The following IQCJ variants were observed in gnomAD, a reference collection of about 807,000 sequenced individuals.
IQCJ encodes IQ domain-containing protein J.
Under a neutral mutation model 11.0 loss-of-function variants are expected in IQCJ, and 9 were observed. That is an observed-to-expected ratio of 0.82 (90% CI 0.49 to 1.43). The LOEUF is 1.43. Among genes scored for constraint, IQCJ ranks in the 40% most tolerant of loss-of-function variants. The pLI is 0.00. For missense variants in IQCJ, 146 were observed against 133.2 expected, an observed-to-expected ratio of 1.10 and a Z score of -0.47; for synonymous variants, 55 against 51.3, an observed-to-expected ratio of 1.07 and a Z score of -0.31.
At chr3:159,160,657 T>C (rs1213553777) in intron 1 of IQCJ, among the ~76,000 whole-genome samples, 1 of 151,480 alleles carries the variant, frequency 6.6e-6, no homozygotes, top group Non-Finnish European at 1.5e-5. Context: ...GCATTAGGTA[T>C]ATCTCCTAAA....
At chr3:159,091,576 A>T (rs114774230) in intron 1 of IQCJ, among the ~76,000 whole-genome samples, 2 of 151,142 alleles carry the variant, frequency 1.3e-5, no homozygotes, top group Non-Finnish European at 2.9e-5. Context: ...GAGGGACACA[A>T]ACATTCAGAC....
At chr3:159,121,219 G>T (rs56017425) in intron 1 of IQCJ, among the ~76,000 whole-genome samples, 7 of 149,788 alleles carry the variant, frequency 4.7e-5, no homozygotes, top group African/African-American at 1.7e-4. Context: ...CTGCAGCCTC[G>T]ATCTCCTGGG....
chr3:159,089,966 A>G (rs1387123281), intron 1 of IQCJ, among the ~76,000 whole-genome samples: 1 of 151,892 alleles, frequency 6.6e-6, no homozygotes, highest in African/African-American at 2.4e-5. Context: ...CTGTTGAGGA[A>G]CTGCATTCCT....
chr3:159,256,603 G>C (rs565951246), intron 3 of IQCJ, among the ~76,000 whole-genome samples: 1 of 152,176 alleles, frequency 6.6e-6, no homozygotes, highest in East Asian at 1.9e-4. Context: ...GGCCTCTCTG[G>C]GCCTCAGTTG....
intron 1 of IQCJ, among the ~76,000 whole-genome samples, chr3:159,170,930 C>T (rs73029416): frequency 0.023 from 3,514 of 152,272 alleles, 137 homozygotes; most frequent in African/African-American, 0.079. Flanking sequence ...TTTCTTTAGT[C>T]ATTCTCCTAG....
rs573669599 is a variant in IQCJ at position 159,187,286 on chromosome 3, C to T, written c.10-58557C>T. ...TTTATTCTTGGCTGAAAACCCAATA[C>T]AGAACCCAAATAAGGCCTTGGACTT... On this transcript the variant is annotated intron_variant, in intron 1 of 3. Coordinates refer to ENST00000397832, the MANE Select transcript of IQCJ (RefSeq NM_001042706.3). 2.6e-5 allele frequency among the ~76,000 whole-genome samples: 4 copies of T among 152,336 alleles called. No homozygotes were observed. In the South Asian group the frequency reaches 8.3e-4, roughly 32 times the overall value.
At chr3:159,129,824 A>G (rs1324328180) in intron 1 of IQCJ, among the ~76,000 whole-genome samples, 1 of 152,190 alleles carries the variant, frequency 6.6e-6, no homozygotes, top group African/African-American at 2.4e-5. Context: ...CAGTGGTATT[A>G]TCTTGGATAA....
At chr3:159,206,274 G>A (rs189225461) in intron 1 of IQCJ, among the ~76,000 whole-genome samples, 240 of 151,684 alleles carry the variant, frequency 1.6e-3, no homozygotes, top group Admixed American at 5.1e-3. Context: ...TTCCTTTTCC[G>A]TTTTTTTCTA....
At chr3:159,203,388 G>A (rs955501399) in intron 1 of IQCJ, among the ~76,000 whole-genome samples, 3 of 151,234 alleles carry the variant, frequency 2.0e-5, no homozygotes, top group African/African-American at 7.3e-5. Context: ...AATGGGGGCT[G>A]GATATTCTGG....
At chr3:159,255,012 T>C (rs1482492481) in intron 3 of IQCJ, among the ~76,000 whole-genome samples, 1 of 152,220 alleles carries the variant, frequency 6.6e-6, no homozygotes, top group Non-Finnish European at 1.5e-5. Context: ...GACCGTGGCA[T>C]CTTCAACAGG....
At chr3:159,242,564 T>A (rs77247644) in intron 1 of IQCJ, among the ~76,000 whole-genome samples, 3,300 of 114,734 alleles carry the variant, frequency 0.029, 110 homozygotes, top group African/African-American at 0.1. Context: ...ACATGCCAGC[T>A]GAATCTTTTT....
intron 1 of IQCJ, among the ~76,000 whole-genome samples, chr3:159,091,238 T>G (rs1299312205): frequency 6.6e-6 from 1 of 151,784 alleles, no homozygotes; most frequent in Non-Finnish European, 1.5e-5. Context: ...TTCAGGCAGT[T>G]AACAGCAAAT....
chr3:159,196,937 C>G (rs1445060838), intron 1 of IQCJ, among the ~76,000 whole-genome samples: 1 of 152,046 alleles, frequency 6.6e-6, no homozygotes, highest in Non-Finnish European at 1.5e-5. Context: ...AAACTAAACT[C>G]CTAATTTCCC....
At position 159,092,012 on chromosome 3, in the gene IQCJ, C is replaced by T. The variant is rs192702706; in HGVS notation, c.9+22571C>T. On this transcript the variant is annotated intron_variant, in intron 1 of 3. Coordinates refer to ENST00000397832, the MANE Select transcript of IQCJ (RefSeq NM_001042706.3). ...AATCATTTTAGGGATTCAGAATATT[C>T]TCATACTCTCAAAGTCTCACCCCTC... 8.8e-4 allele frequency among the ~76,000 whole-genome samples: 134 copies of T among 151,652 alleles called. 1 individual carries two copies. Among genetic ancestry groups the T allele is most frequent in the Admixed American group, 1.4e-3 (22 of 15,276 alleles).
At chr3:159,128,563 T>C (rs1198649190) in intron 1 of IQCJ, among the ~76,000 whole-genome samples, 1 of 152,174 alleles carries the variant, frequency 6.6e-6, no homozygotes, top group Non-Finnish European at 1.5e-5. Context: ...ACACTTTTTG[T>C]AGTGCTGATA....
chr3:159,109,667 G>T (rs1387403413), intron 1 of IQCJ, among the ~76,000 whole-genome samples: 1 of 150,024 alleles, frequency 6.7e-6, no homozygotes, highest in East Asian at 1.9e-4. Flanking sequence ...GGGTGTGTGG[G>T]TGTGTGTGTG....
rs139130126 is a variant in IQCJ at position 159,093,157 on chromosome 3, C to T, written c.9+23716C>T. 1.2e-3 allele frequency among the ~76,000 whole-genome samples: 180 copies of T among 151,942 alleles called. 3 individuals are homozygous for T. Among genetic ancestry groups the T allele is most frequent in the African/African-American group, 4.0e-3 (166 of 41,222 alleles). On this transcript the variant is annotated intron_variant, in intron 1 of 3. Coordinates refer to ENST00000397832, the MANE Select transcript of IQCJ (RefSeq NM_001042706.3). ...TGTATTAATCTGTGTCCTTCAGAAT[C>T]TTCTACTCACATCTCAGTCAGCAGG... is the stretch of plus-strand genomic sequence containing the variant.
intron 1 of IQCJ, among the ~76,000 whole-genome samples, chr3:159,239,923 G>A (rs1401043021): frequency 2.6e-5 from 4 of 152,246 alleles, no homozygotes; most frequent in Non-Finnish European, 4.4e-5. Flanking sequence ...TACCATCTAG[G>A]TTTGTGTAGG....
At chr3:159,204,726 G>A (rs896596596) in intron 1 of IQCJ, among the ~76,000 whole-genome samples, 6 of 152,206 alleles carry the variant, frequency 3.9e-5, no homozygotes, top group Admixed American at 1.3e-4. Flanking sequence ...TGATGGATGA[G>A]TCTTCTTATA....
Sources: gnomAD v4.1 joint callset for allele counts (sites outside exome capture counted in the v4.1 genomes callset) on GRCh38, gnomAD v4.1.1 for gene constraint, MANE v1.5 for transcripts, NCBI Gene and HGNC (gene_info 2026-07-23, HGNC 2026-07-21) for gene names.